The following ARK2C variants were observed in gnomAD, a reference collection of about 807,000 sequenced individuals.
ARK2C encodes the protein arkadia (RNF111) C-terminal like ring finger ubiquitin ligase 2C, also known as E3 ubiquitin-protein ligase ARK2C.
At chr18:46,345,453 G>A in the ARK2C span, among the ~76,000 whole-genome samples, 3 of 152,168 alleles carry the variant, frequency 2.0e-5, no homozygotes, top group African/African-American at 7.2e-5. Context: ...GAAGGAGGAG[G>A]GAGGCATCAG....
At chr18:46,427,981 G>T in the ARK2C span, among the ~76,000 whole-genome samples, 3 of 152,190 alleles carry the variant, frequency 2.0e-5, no homozygotes, top group East Asian at 5.8e-4. Flanking sequence ...AAACTCTCCA[G>T]TGGGAACATG....
chr18:46,456,075 T>C, the ARK2C span: 17 of 1,599,102 alleles, frequency 1.1e-5, no homozygotes, highest in African/African-American at 9.4e-5. Context: ...ATGGAGAAGA[T>C]GTGAGGTAGG....
the ARK2C span, chr18:46,456,185 G>T: frequency 2.7e-6 from 2 of 747,032 alleles, no homozygotes; most frequent in Admixed American, 4.2e-5. Context: ...GCTTGTGCAC[G>T]TATGTGCCAA....
chr18:46,334,711 TGTGTGAGAGA>T, the ARK2C span: 2,095 of 107,232 alleles, frequency 0.02, 7 homozygotes, highest in East Asian at 0.065. This position sits in a 1 kb window ranked among gnomAD's most constrained non-coding sequence, Gnocchi z 4.4. Flanking sequence ...TGTGTGTGTG[TGTGTGAGAGA>T]GAGAGAGAGC....
the ARK2C span, among the ~76,000 whole-genome samples, chr18:46,341,955 G>A: frequency 0.011 from 1,604 of 152,308 alleles, 25 homozygotes; most frequent in African/African-American, 0.037. Flanking sequence ...AGGGGGAACG[G>A]GAGGGAGCCC....
the ARK2C span, among the ~76,000 whole-genome samples, chr18:46,349,099 C>G: frequency 2.6e-5 from 4 of 152,182 alleles, no homozygotes; most frequent in Non-Finnish European, 5.9e-5. Flanking sequence ...TAAAAGGGAA[C>G]TCATGGATTG....
chr18:46,450,508 G>A, the ARK2C span: 8 of 922,366 alleles, frequency 8.7e-6, no homozygotes, highest in Non-Finnish European at 1.4e-5. Context: ...GTGTCAGGAA[G>A]CTTCAGGGTT....
the ARK2C span, among the ~76,000 whole-genome samples, chr18:46,414,822 G>A: frequency 2.6e-5 from 4 of 152,190 alleles, no homozygotes; most frequent in African/African-American, 7.2e-5. Flanking sequence ...ATGAGTGGCC[G>A]TGTTAGATTC....
the ARK2C span, among the ~76,000 whole-genome samples, chr18:46,392,529 G>A: frequency 2.0e-4 from 30 of 151,834 alleles, no homozygotes; most frequent in African/African-American, 7.0e-4. Context: ...AAGGCTCCCT[G>A]TGGCCAGAGC....
the ARK2C span, among the ~76,000 whole-genome samples, chr18:46,452,760 C>T: frequency 3.3e-5 from 5 of 152,036 alleles, no homozygotes; most frequent in South Asian, 2.1e-4. Flanking sequence ...AGCCAAGGAC[C>T]GTCTTCACTC....
chr18:46,432,936 C>T, the ARK2C span, among the ~76,000 whole-genome samples: 874 of 152,220 alleles, frequency 5.7e-3, 8 homozygotes, highest in African/African-American at 0.02. Flanking sequence ...CAGAGCGAGA[C>T]TCCGTCTCAA....
chr18:46,441,892 C>A, the ARK2C span, among the ~76,000 whole-genome samples: 1 of 137,096 alleles, frequency 7.3e-6, no homozygotes, highest in Admixed American at 7.9e-5. Flanking sequence ...AGGCCGGGCG[C>A]GGTGGCTCAC....
chr18:46,461,432 A>G, the ARK2C span: 45,827 of 151,990 alleles, frequency 0.3, 8,204 homozygotes, highest in East Asian at 0.76. Flanking sequence ...ATCACTTGAG[A>G]TCAGGAGTTT....
At chr18:46,379,988 C>T in the ARK2C span, among the ~76,000 whole-genome samples, 2 of 152,336 alleles carry the variant, frequency 1.3e-5, no homozygotes, top group East Asian at 3.9e-4. Context: ...AGAGATGAGG[C>T]TCCAAAGGCA....
At chr18:46,383,161 G>A in the ARK2C span, among the ~76,000 whole-genome samples, 1 of 152,364 alleles carries the variant, frequency 6.6e-6, no homozygotes, top group African/African-American at 2.4e-5. Context: ...ATGGCCAGAT[G>A]ATGGCTTCCA....
the ARK2C span, among the ~76,000 whole-genome samples, chr18:46,406,879 G>A: frequency 6.6e-6 from 1 of 152,136 alleles, no homozygotes; most frequent in Non-Finnish European, 1.5e-5. Flanking sequence ...GGCCCCTCTA[G>A]CCCAGAATCC....
the ARK2C span, among the ~76,000 whole-genome samples, chr18:46,369,716 C>T: frequency 6.6e-6 from 1 of 152,154 alleles, no homozygotes; most frequent in Non-Finnish European, 1.5e-5. Flanking sequence ...CTAAAGGTAA[C>T]TCATAAACCG....
chr18:46,357,257 G>T, the ARK2C span, among the ~76,000 whole-genome samples: 3 of 152,214 alleles, frequency 2.0e-5, no homozygotes, highest in Non-Finnish European at 4.4e-5. Flanking sequence ...AGTGGTAACA[G>T]TGGTCAGTAC....
chr18:46,456,440 A>G, the ARK2C span: 9 of 1,004,674 alleles, frequency 9.0e-6, no homozygotes, highest in Non-Finnish European at 1.6e-6. Flanking sequence ...GTTCCCCAGG[A>G]GTCCTAGGTG....
Sources: gnomAD v4.1 joint callset for allele counts (sites outside exome capture counted in the v4.1 genomes callset) on GRCh38, gnomAD v4.1.1 for gene constraint, Gnocchi (gnomAD v3.1) non-coding constraint, MANE v1.5 for transcripts, NCBI Gene and HGNC (gene_info 2026-07-23, HGNC 2026-07-21) for gene names.